TFDP2: variants seen among roughly 807,000 people sequenced by gnomAD.
The protein encoded by TFDP2 is transcription factor Dp-2.
A neutral mutation model predicts 59.3 loss-of-function variants in TFDP2; 17 were observed. The ratio of observed to expected loss-of-function variants is 0.29; its 90% CI spans 0.20 to 0.43. TFDP2 has a LOEUF of 0.43. TFDP2 is among the 20% of genes least tolerant of loss of function. The probability of loss-of-function intolerance (pLI) is 1.00; values close to 1 mark genes in which losing one functional copy is unlikely to be tolerated. For synonymous variants in TFDP2, 180 were observed against 194.7 expected (o/e 0.92, Z 0.63); for missense variants, 391 against 528.8 (o/e 0.74, Z 2.56).
At chr3:142,081,085 G>GTA (rs1359648911) in intron 3 of TFDP2, among the ~76,000 whole-genome samples, 1 of 152,130 alleles carries the variant, frequency 6.6e-6, no homozygotes, top group Non-Finnish European at 1.5e-5. Flanking sequence ...CAAATGTTAG[G>GTA]TAACAAAACA....
chr3:142,087,768 T>C (rs1358029030), intron 3 of TFDP2, among the ~76,000 whole-genome samples: 1 of 152,166 alleles, frequency 6.6e-6, no homozygotes, highest in East Asian at 1.9e-4. Flanking sequence ...TCCCAAAGTG[T>C]TGGGATTATA....
intron 2 of TFDP2, among the ~76,000 whole-genome samples, chr3:142,101,326 T>C (rs912956999): frequency 7.1e-6 from 1 of 140,736 alleles, no homozygotes; most frequent in African/African-American, 2.7e-5. Flanking sequence ...TTTCAGACAA[T>C]ATCTGAGCAC....
intron 1 of TFDP2, among the ~76,000 whole-genome samples, chr3:142,105,022 G>A (rs1379424869): frequency 6.6e-6 from 1 of 152,062 alleles, no homozygotes; most frequent in African/African-American, 2.4e-5. Flanking sequence ...GAGCCTCCAT[G>A]TCTTCATCTG....
chr3:142,120,955 G>A (rs183562118), intron 1 of TFDP2, among the ~76,000 whole-genome samples: 28 of 151,968 alleles, frequency 1.8e-4, no homozygotes, highest in Admixed American at 5.3e-4. Flanking sequence ...ATTGTAGAAC[G>A]GAAAATTAAA....
intron 3 of TFDP2, among the ~76,000 whole-genome samples, chr3:142,074,814 T>C (rs890598339): frequency 1.3e-5 from 2 of 152,220 alleles, no homozygotes; most frequent in African/African-American, 4.8e-5. Flanking sequence ...ATTGTGCTAC[T>C]GCATTCCAGC....
chr3:141,966,689 T>C (rs1938124077), intron 9 of TFDP2, among the ~76,000 whole-genome samples: 1 of 151,558 alleles, frequency 6.6e-6, no homozygotes, highest in Non-Finnish European at 1.5e-5. Context: ...GCGTTTATTA[T>C]GGAAAAGGTT....
intron 2 of TFDP2, among the ~76,000 whole-genome samples, chr3:142,100,406 C>G (rs1432725409): frequency 6.6e-6 from 1 of 152,098 alleles, no homozygotes; most frequent in Non-Finnish European, 1.5e-5. Flanking sequence ...AAGTCTCGCT[C>G]TTGTCCCCCA....
chr3:142,137,517 T>A (rs556574374), intron 1 of TFDP2, among the ~76,000 whole-genome samples: 1 of 152,270 alleles, frequency 6.6e-6, no homozygotes, highest in South Asian at 2.1e-4. Flanking sequence ...TGGCTGTGGG[T>A]TTGTCATAAA....
At chr3:142,136,495 C>T (rs200196743) in intron 1 of TFDP2, among the ~76,000 whole-genome samples, 3 of 152,014 alleles carry the variant, frequency 2.0e-5, no homozygotes, top group Non-Finnish European at 4.4e-5. Flanking sequence ...AGTCCTTGCC[C>T]ATGCCTATGT....
chr3:142,038,554 G>T (rs1464581712), intron 3 of TFDP2, among the ~76,000 whole-genome samples: 1 of 152,042 alleles, frequency 6.6e-6, no homozygotes, highest in East Asian at 1.9e-4. Context: ...AGAGGAAAAA[G>T]ATTTCGTTTT....
chr3:142,070,172 G>T (rs550614183), intron 3 of TFDP2, among the ~76,000 whole-genome samples: 1 of 151,780 alleles, frequency 6.6e-6, no homozygotes, highest in African/African-American at 2.4e-5. Context: ...CTCCCAAAGT[G>T]CTGGGATTAT....
At chr3:142,069,888 C>T (rs2060188038) in intron 3 of TFDP2, among the ~76,000 whole-genome samples, 1 of 151,830 alleles carries the variant, frequency 6.6e-6, no homozygotes, top group South Asian at 2.1e-4. Flanking sequence ...GGATTACAGG[C>T]TTGAGCCACC....
intron 6 of TFDP2, among the ~76,000 whole-genome samples, chr3:141,981,790 G>C (rs761798049): frequency 6.6e-6 from 1 of 152,100 alleles, no homozygotes; most frequent in Non-Finnish European, 1.5e-5. Context: ...CAACTGAGAG[G>C]GTATTGCAAT....
chr3:142,144,705 C>T (rs1017197963), intron 1 of TFDP2, among the ~76,000 whole-genome samples: 28 of 152,118 alleles, frequency 1.8e-4, no homozygotes, highest in African/African-American at 6.0e-4. Flanking sequence ...CCAAGCCTGA[C>T]TACTTTTTGT....
At chr3:142,088,363 C>A (rs1265448483) in intron 3 of TFDP2, among the ~76,000 whole-genome samples, 2 of 151,154 alleles carry the variant, frequency 1.3e-5, no homozygotes, top group Non-Finnish European at 2.9e-5. Flanking sequence ...CAGAGTTTCA[C>A]TCTATCCCCC....
At position 141,948,207 on chromosome 3, in the gene TFDP2, TGATA is replaced by T. The variant is rs1935465049; in HGVS notation, c.*4302_*4305del. ...GCCCATTTTGTTAGGGGAGGGAGCT[TGATA>T]GATATTAAAGGGCCCTTGAAAGGAA... On this transcript the variant is annotated 3_prime_UTR_variant, in exon 13 of 13. Coordinates refer to ENST00000489671, the MANE Select transcript of TFDP2 (RefSeq NM_001178139.2). 1 of 152,090 alleles carries T rather than the reference TGATA, an allele frequency of 6.6e-6. No homozygotes were observed. Among genetic ancestry groups the T allele is most frequent in the South Asian group, 2.1e-4 (1 of 4,816 alleles). The allele number at this position is 152,090 out of a possible 1,614,324, so 9.4% of individuals were successfully genotyped here.
intron 4 of TFDP2, among the ~76,000 whole-genome samples, chr3:142,002,317 G>GTT (rs750047190): frequency 0.018 from 1,922 of 106,792 alleles, 88 homozygotes; most frequent in African/African-American, 0.059. Flanking sequence ...TATTTTTAGT[G>GTT]TTTTTTTTTT....
chr3:142,055,994 C>T (rs1251177079), intron 3 of TFDP2, among the ~76,000 whole-genome samples: 2 of 142,082 alleles, frequency 1.4e-5, no homozygotes, highest in Admixed American at 7.2e-5. Flanking sequence ...CGCTCTGTCG[C>T]CCAGGCTGGA....
intron 11 of TFDP2, among the ~76,000 whole-genome samples, chr3:141,956,307 T>C (rs1396654502): frequency 1.2e-4 from 18 of 152,168 alleles, no homozygotes; most frequent in Admixed American, 1.1e-3. Flanking sequence ...AAGGATGGAC[T>C]GTGGGAGGCC....
Sources: allele counts gnomAD v4.1 joint callset (sites outside exome capture counted in the v4.1 genomes callset), GRCh38; gene constraint gnomAD v4.1.1; transcripts MANE v1.5; gene names NCBI Gene and HGNC (gene_info 2026-07-23, HGNC 2026-07-21).